CSMD1: variants seen among roughly 807,000 people sequenced by gnomAD.
The protein encoded by CSMD1 is CUB and sushi domain-containing protein 1.
CSMD1 carries 213 observed loss-of-function variants against 417.5 expected under a neutral mutation model. That is an observed-to-expected ratio of 0.51 (90% CI 0.46 to 0.57). The LOEUF (loss-of-function observed/expected upper bound fraction) is 0.57, where lower values mean the gene tolerates loss of function less well. Ranked by LOEUF, CSMD1 falls within the 20% of genes least tolerant of loss-of-function variation. The probability of loss-of-function intolerance (pLI) is 0.00; values close to 1 mark genes in which losing one functional copy is unlikely to be tolerated. For synonymous variants in CSMD1, 2,862 were observed against 1,736.8 expected (o/e 1.65, Z -16.11); for missense variants, 6,923 against 4,529.7 (o/e 1.53, Z -15.17).
At chr8:4,216,843 T>A (rs1361716306) in intron 3 of CSMD1, among the ~76,000 whole-genome samples, 2 of 152,118 alleles carry the variant, frequency 1.3e-5, no homozygotes, top group East Asian at 3.9e-4. Flanking sequence ...GAGGATGGGG[T>A]GTCAGACCCA....
Position 4,980,015 on chromosome 8 carries a change from C to T in CSMD1, c.85+14317G>A, listed in dbSNP as rs149918834. Among the ~76,000 whole-genome samples the T allele has an allele frequency of 4.0e-3, 602 of 151,940 alleles. 5 individuals carry two copies. The highest frequency in any genetic ancestry group is 5.9e-3 in the Non-Finnish European group (398 of 67,966). The stretch of plus-strand genomic sequence containing the variant: ...ATAGTGCACTGCACTCCAGCCTGGG[C>T]GACAGAGTGAGACTCCATCCCAAAA... On this transcript the variant is annotated intron_variant, in intron 1 of 69. Transcript: ENST00000635120.
chr8:4,103,120 C>G (rs879381131), intron 3 of CSMD1, among the ~76,000 whole-genome samples: 10 of 152,226 alleles, frequency 6.6e-5, no homozygotes, highest in Non-Finnish European at 1.3e-4. Flanking sequence ...TATCTCTGAA[C>G]ACGAGTTAAC....
At chr8:3,437,729 T>C (rs1055524028) in intron 12 of CSMD1, among the ~76,000 whole-genome samples, 9 of 150,806 alleles carry the variant, frequency 6.0e-5, no homozygotes, top group South Asian at 2.1e-4. Flanking sequence ...AAAGCCACTA[T>C]AGATGCAGCT....
chr8:4,921,836 G>A (rs1304345194), intron 1 of CSMD1, among the ~76,000 whole-genome samples: 7 of 152,132 alleles, frequency 4.6e-5, no homozygotes, highest in Admixed American at 1.3e-4. Context: ...AAAGTTCAAG[G>A]GAACGTTACT....
At chr8:3,360,015 G>A (rs976961769) in intron 20 of CSMD1, among the ~76,000 whole-genome samples, 1 of 152,102 alleles carries the variant, frequency 6.6e-6, no homozygotes, top group South Asian at 2.1e-4. Flanking sequence ...CCTCCCAAAG[G>A]TGCTTTTTGG....
intron 10 of CSMD1, among the ~76,000 whole-genome samples, chr8:3,516,277 C>T (rs1230410669): frequency 2.0e-5 from 3 of 152,116 alleles, no homozygotes; most frequent in African/African-American, 4.8e-5. Flanking sequence ...TATGGAGCTC[C>T]AGTAAATGCT....
At chr8:3,513,992 C>G (rs1797185413) in intron 10 of CSMD1, among the ~76,000 whole-genome samples, 1 of 152,128 alleles carries the variant, frequency 6.6e-6, no homozygotes, top group Non-Finnish European at 1.5e-5. Flanking sequence ...GATTCCAATC[C>G]AGGCCTTCTT....
chr8:4,421,899 GA>G (rs1304584509), intron 2 of CSMD1, among the ~76,000 whole-genome samples: 1 of 151,882 alleles, frequency 6.6e-6, no homozygotes, highest in Non-Finnish European at 1.5e-5. Flanking sequence ...AAATAAAATT[GA>G]AAAAGACTGA....
rs138845012 is a variant in CSMD1 at position 4,847,654 on chromosome 8, A to G, written c.85+146678T>C. Among the ~76,000 whole-genome samples the G allele has an allele frequency of 1.6e-3, 237 of 152,130 alleles. 1 individual carries two copies. The East Asian group carries it at 0.033, about 21-fold the overall frequency. ...CGAGGACCCTGTATAACATTTAGAC[A>G]TGGTTTCTCCTTAAGCTCTTCAATG... On this transcript the variant is annotated intron_variant, in intron 1 of 69. Coordinates refer to ENST00000635120, the MANE Select transcript of CSMD1 (RefSeq NM_033225.6).
chr8:4,345,606 C>G (rs541695607), intron 3 of CSMD1, among the ~76,000 whole-genome samples: 18 of 152,046 alleles, frequency 1.2e-4, no homozygotes, highest in African/African-American at 4.1e-4. Flanking sequence ...TCACAGAAAA[C>G]AAAAACAAAA....
chr8:3,305,659 TAAAC>T (rs1804777908), intron 25 of CSMD1, among the ~76,000 whole-genome samples: 1 of 152,168 alleles, frequency 6.6e-6, no homozygotes, highest in African/African-American at 2.4e-5. Flanking sequence ...GTTAAGAAAC[TAAAC>T]TTCTTAACTT....
At chr8:4,158,291 A>G (rs1202218628) in intron 3 of CSMD1, among the ~76,000 whole-genome samples, 1 of 152,084 alleles carries the variant, frequency 6.6e-6, no homozygotes, top group Non-Finnish European at 1.5e-5. Context: ...CAACAGAAGT[A>G]CATGTCAAGC....
intron 1 of CSMD1, among the ~76,000 whole-genome samples, chr8:4,654,432 G>C (rs893027785): frequency 6.6e-5 from 10 of 152,062 alleles, no homozygotes; most frequent in Non-Finnish European, 1.0e-4. Context: ...TGCTTGGTGA[G>C]TTTGGAAAAG....
chr8:3,774,925 A>G (rs1012667808), intron 5 of CSMD1, among the ~76,000 whole-genome samples: 4 of 152,134 alleles, frequency 2.6e-5, no homozygotes, highest in Non-Finnish European at 5.9e-5. Context: ...CAAGAAGGCT[A>G]CTGACTGACC....
chr8:3,305,213 T>C (rs1220657736), intron 25 of CSMD1, among the ~76,000 whole-genome samples: 1 of 152,180 alleles, frequency 6.6e-6, no homozygotes, highest in African/African-American at 2.4e-5. Context: ...CATGCCTTCA[T>C]AGATTTTCAT....
At chr8:4,048,025 T>G (rs550503916) in intron 3 of CSMD1, among the ~76,000 whole-genome samples, 1 of 152,168 alleles carries the variant, frequency 6.6e-6, no homozygotes, top group African/African-American at 2.4e-5. Context: ...CAAACCGTTT[T>G]GCCCACTAAA....
chr8:4,805,609 G>C (rs1000440487), intron 1 of CSMD1, among the ~76,000 whole-genome samples: 1 of 152,158 alleles, frequency 6.6e-6, no homozygotes, highest in Non-Finnish European at 1.5e-5. Context: ...CTGAGGAAGT[G>C]CTACATACAT....
chr8:4,612,946 G>A (rs1801264081), intron 2 of CSMD1, among the ~76,000 whole-genome samples: 2 of 152,170 alleles, frequency 1.3e-5, no homozygotes, highest in African/African-American at 4.8e-5. Flanking sequence ...AAGAGCTGAT[G>A]CTGTGACACA....
At chr8:3,438,802 A>G (rs1814742861) in intron 12 of CSMD1, among the ~76,000 whole-genome samples, 1 of 151,970 alleles carries the variant, frequency 6.6e-6, no homozygotes, top group Non-Finnish European at 1.5e-5. Context: ...GTCATATGAT[A>G]ATTGCATGTT....
Sources: allele counts gnomAD v4.1 joint callset (sites outside exome capture counted in the v4.1 genomes callset), GRCh38; gene constraint gnomAD v4.1.1; transcripts MANE v1.5; gene names NCBI Gene and HGNC (gene_info 2026-07-23, HGNC 2026-07-21).